Variants in FER1L6 observed in about 807,000 individuals in gnomAD.
FER1L6 encodes fer-1-like protein 6.
Under a neutral mutation model 219.2 loss-of-function variants are expected in FER1L6, and 177 were observed. The observed-to-expected ratio is 0.81, with a 90% CI of 0.71 to 0.91. The LOEUF is 0.91. FER1L6 is among the 40% of genes least tolerant of loss of function. FER1L6 has a pLI of 0.00. For missense variants in FER1L6, 2,153 were observed against 2,259.9 expected (o/e 0.95, Z 0.96); for synonymous variants, 768 against 824.3 (o/e 0.93, Z 1.17).
chr8:123,911,953 C>A (rs542404357), intron 1 of FER1L6, among the ~76,000 whole-genome samples: 13 of 152,266 alleles, frequency 8.5e-5, no homozygotes, highest in African/African-American at 3.1e-4. Context: ...TCATAGCACA[C>A]CCTGGTTTTA....
At chr8:123,976,916 A>G (rs1409406776) in intron 9 of FER1L6, among the ~76,000 whole-genome samples, 1 of 152,128 alleles carries the variant, frequency 6.6e-6, no homozygotes, top group Non-Finnish European at 1.5e-5. Context: ...TGAAGCTTCA[A>G]CTCACACACA....
intron 1 of FER1L6, among the ~76,000 whole-genome samples, chr8:123,866,224 C>T (rs7006012): frequency 0.028 from 4,210 of 152,034 alleles, 192 homozygotes; most frequent in African/African-American, 0.096. Context: ...TTACTTAGCA[C>T]GGTGTCCTTC....
chr8:124,073,769 A>AC (rs1821171420), intron 31 of FER1L6, among the ~76,000 whole-genome samples: 1 of 152,222 alleles, frequency 6.6e-6, no homozygotes, highest in Non-Finnish European at 1.5e-5. Context: ...CATGGAGATT[A>AC]CATACTAGTT....
At chr8:123,918,154 C>A (rs1431187549) in intron 1 of FER1L6, among the ~76,000 whole-genome samples, 1 of 151,944 alleles carries the variant, frequency 6.6e-6, no homozygotes, top group Non-Finnish European at 1.5e-5. Flanking sequence ...TATAAAAATA[C>A]AAAAATTAGC....
At chr8:124,041,440 G>A (rs188508901) in intron 20 of FER1L6, among the ~76,000 whole-genome samples, 11 of 152,338 alleles carry the variant, frequency 7.2e-5, no homozygotes, top group Admixed American at 2.0e-4. Context: ...CACTGACAGC[G>A]TGATGTGAAC....
intron 6 of FER1L6, among the ~76,000 whole-genome samples, chr8:123,973,051 G>A (rs1815893171): frequency 2.0e-5 from 3 of 152,216 alleles, no homozygotes; most frequent in Non-Finnish European, 1.5e-5. Context: ...GAGCAAAGTT[G>A]CAGGAGTTTA....
At chr8:124,112,201 G>C (rs4513955) in intron 39 of FER1L6, among the ~76,000 whole-genome samples, 6,143 of 152,260 alleles carry the variant, frequency 0.04, 212 homozygotes, top group Non-Finnish European at 0.063. Context: ...TTTGAAGCCA[G>C]CATTCAAACA....
At chr8:124,109,796 A>C (rs1234855377) in intron 39 of FER1L6, among the ~76,000 whole-genome samples, 1 of 152,232 alleles carries the variant, frequency 6.6e-6, no homozygotes, top group Non-Finnish European at 1.5e-5. Context: ...CTTGCCCCCA[A>C]GAAGCTGCTA....
At chr8:123,865,435 T>A (rs976902323) in intron 1 of FER1L6, among the ~76,000 whole-genome samples, 9 of 151,024 alleles carry the variant, frequency 6.0e-5, no homozygotes, top group Non-Finnish European at 1.3e-4. Context: ...TGTCTTTTTG[T>A]TTGTCTGTGC....
chr8:124,065,612 T>G (rs1820796299), intron 26 of FER1L6, among the ~76,000 whole-genome samples: 1 of 152,166 alleles, frequency 6.6e-6, no homozygotes, highest in Admixed American at 6.5e-5. Context: ...TCTGTTGACT[T>G]CTCGGATTCA....
intron 1 of FER1L6, among the ~76,000 whole-genome samples, chr8:123,900,932 A>G (rs1812845204): frequency 6.6e-6 from 1 of 152,144 alleles, no homozygotes; most frequent in Non-Finnish European, 1.5e-5. Flanking sequence ...TTTAGCATCT[A>G]TGTTCATCAA....
intron 14 of FER1L6, among the ~76,000 whole-genome samples, chr8:124,011,450 G>A (rs1247332441): frequency 1.3e-5 from 2 of 152,046 alleles, no homozygotes; most frequent in Non-Finnish European, 2.9e-5. Flanking sequence ...TGACCTTCTG[G>A]GCTCAAGTAA....
intron 39 of FER1L6, among the ~76,000 whole-genome samples, chr8:124,106,450 G>A (rs1822780860): frequency 6.6e-6 from 1 of 151,726 alleles, no homozygotes; most frequent in Admixed American, 6.6e-5. Context: ...GATGAATGTG[G>A]ATTGTTGAGT....
intron 39 of FER1L6, among the ~76,000 whole-genome samples, chr8:124,118,401 A>G (rs965006182): frequency 6.6e-5 from 10 of 152,242 alleles, no homozygotes; most frequent in African/African-American, 2.4e-4. Flanking sequence ...ATGAAGAGTG[A>G]CAGAAAAAAA....
intron 1 of FER1L6, among the ~76,000 whole-genome samples, chr8:123,898,772 T>TATAGATACGTATATAC (rs1586448784): frequency 9.8e-6 from 1 of 102,132 alleles, no homozygotes; most frequent in East Asian, 2.4e-4. Context: ...TATATATGTG[T>TATAGATACGTATATAC]ATATATACGT....
In FER1L6 at chr8:123,956,070, G is replaced by T; in HGVS notation, c.72G>T (p.Ala24=). Residue 24 remains alanine (A), a synonymous_variant, in exon 2 of 41, where the codon GCG becomes GCT. Transcript: ENST00000522917. ...EKGLILANKA[A]KDSQGDTEAL... is the part of the protein sequence containing the mutation. ...GGTTAATCCTAGCCAACAAGGCTGC[G>T]AAAGGTGAGGCTGGGGGTGGGGTGC... 2 of 1,610,036 alleles carry T rather than the reference G, an allele frequency of 1.2e-6. No individual in the cohort carries two copies. The highest frequency in any genetic ancestry group is 1.7e-6 in the Non-Finnish European group (2 of 1,178,556).
chr8:123,894,020 C>T (rs13254500), intron 1 of FER1L6, among the ~76,000 whole-genome samples: 111,735 of 151,512 alleles, frequency 0.74, 41,363 homozygotes, highest in South Asian at 0.85. Context: ...TTCCAGTGAT[C>T]GAAGACTTGA....
At chr8:123,859,809 T>A (rs1467917434) in intron 1 of FER1L6, among the ~76,000 whole-genome samples, 1 of 142,268 alleles carries the variant, frequency 7.0e-6, no homozygotes, top group African/African-American at 2.7e-5. Flanking sequence ...GGTGTTTGGT[T>A]TTTTGTTCTT....
chr8:123,872,677 A>G (rs1028299774), intron 1 of FER1L6, among the ~76,000 whole-genome samples: 30 of 152,216 alleles, frequency 2.0e-4, no homozygotes, highest in African/African-American at 7.2e-4. Context: ...CAATTTTTCT[A>G]TAAGTCTAAG....
Sources: allele counts gnomAD v4.1 joint callset (sites outside exome capture counted in the v4.1 genomes callset), GRCh38; gene constraint gnomAD v4.1.1; transcripts MANE v1.5; gene names NCBI Gene and HGNC (gene_info 2026-07-23, HGNC 2026-07-21).